The following DENND1A variants were observed in gnomAD, a reference collection of about 807,000 sequenced individuals.
The protein encoded by DENND1A is DENN domain containing 1A.
A neutral mutation model predicts 113.7 loss-of-function variants in DENND1A; 51 were observed. The observed-to-expected ratio is 0.45, with a 90% CI of 0.36 to 0.57. The LOEUF (loss-of-function observed/expected upper bound fraction) is 0.57, where lower values mean the gene tolerates loss of function less well. Ranked by LOEUF, DENND1A falls within the 20% of genes least tolerant of loss-of-function variation. The probability of loss-of-function intolerance (pLI) is 0.00; values close to 1 mark genes in which losing one functional copy is unlikely to be tolerated. For synonymous variants in DENND1A, 565 were observed against 570.8 expected, an observed-to-expected ratio of 0.99 and a Z score of 0.14; for missense variants, 1,258 against 1,395.9, an observed-to-expected ratio of 0.90 and a Z score of 1.57.
At chr9:123,587,077 CTTCTGG>C (rs1199390751) in intron 11 of DENND1A, among the ~76,000 whole-genome samples, 1 of 151,576 alleles carries the variant, frequency 6.6e-6, no homozygotes, top group African/African-American at 2.4e-5. Flanking sequence ...GGGTCACCAG[CTTCTGG>C]TCCTGCGGTG....
chr9:123,768,143 T>G (rs1265485981), intron 4 of DENND1A, among the ~76,000 whole-genome samples: 1 of 152,204 alleles, frequency 6.6e-6, no homozygotes, highest in Non-Finnish European at 1.5e-5. Flanking sequence ...AAGGCTATTC[T>G]TTTTTGAGCA....
chr9:123,882,609 C>T (rs1391566436), intron 1 of DENND1A, among the ~76,000 whole-genome samples: 2 of 152,170 alleles, frequency 1.3e-5, no homozygotes, highest in East Asian at 3.8e-4. Context: ...CTGCAGCACC[C>T]TCCTGATGGG....
intron 1 of DENND1A, among the ~76,000 whole-genome samples, chr9:123,927,648 G>T (rs1857338388): frequency 6.6e-6 from 1 of 152,140 alleles, no homozygotes; most frequent in Non-Finnish European, 1.5e-5. Context: ...AAAAAGAGCT[G>T]GAATTTGAAC....
At chr9:123,686,232 T>G (rs1239330733) in intron 5 of DENND1A, among the ~76,000 whole-genome samples, 2 of 152,146 alleles carry the variant, frequency 1.3e-5, no homozygotes, top group Non-Finnish European at 2.9e-5. Context: ...ATTTTACAGA[T>G]GAGAAAATTG....
intron 1 of DENND1A, among the ~76,000 whole-genome samples, chr9:123,913,837 G>A (rs1297391515): frequency 2.6e-5 from 4 of 151,164 alleles, no homozygotes; most frequent in African/African-American, 4.9e-5. Context: ...CTCGGGAGGC[G>A]GAGGTTGTGG....
At chr9:123,794,931 A>G (rs558923119) in intron 2 of DENND1A, among the ~76,000 whole-genome samples, 1 of 151,770 alleles carries the variant, frequency 6.6e-6, no homozygotes, top group South Asian at 2.1e-4. Context: ...TACTGCCTCA[A>G]TGGAAAGCAA....
At chr9:123,396,926 C>T (rs1424470054) in intron 21 of DENND1A, among the ~76,000 whole-genome samples, 1 of 152,200 alleles carries the variant, frequency 6.6e-6, no homozygotes, top group Non-Finnish European at 1.5e-5. Context: ...AATCTTCTTA[C>T]AACTGGTTAA....
In DENND1A at chr9:123,648,521, T is replaced by C. The variant is rs1380160845; in HGVS notation, c.618+3492A>G. 2.0e-5 allele frequency among the ~76,000 whole-genome samples: 3 copies of C among 152,390 alleles called. No homozygotes were observed. In the East Asian group the frequency reaches 5.8e-4, roughly 29 times the overall value. On this transcript the variant is annotated intron_variant, in intron 9 of 23. Coordinates refer to ENST00000394215, the MANE Select transcript of DENND1A (RefSeq NM_001352964.2). ...TTTTTCCATTGACAGGCTTGTCTTC[T>C]TTTTAATTGTCATAGTTCTGTACTT...
At chr9:123,727,372 T>C (rs1456983883) in intron 5 of DENND1A, among the ~76,000 whole-genome samples, 1 of 152,226 alleles carries the variant, frequency 6.6e-6, no homozygotes, top group Non-Finnish European at 1.5e-5. Flanking sequence ...GATATTCTCA[T>C]AGGCAAAACA....
rs1554916729 is a variant in DENND1A, at chr9:123,620,232, A to AAAAAAAAAAAAAAG, written c.719+10143_719+10144insCTTTTTTTTTTTTT. ...CCATCTCAAAAAAAAAAAAAAAAAA[A>AAAAAAAAAAAAAAG]AAAAAAGAAAAGAAAAAGAAAAAAA... On this transcript the variant is annotated intron_variant, in intron 10 of 23. Coordinates refer to ENST00000394215, the MANE Select transcript of DENND1A (RefSeq NM_001352964.2). Among the ~76,000 whole-genome samples, 21 of 114,416 alleles carry AAAAAAAAAAAAAAG rather than the reference A, an allele frequency of 1.8e-4. 3 individuals are homozygous for AAAAAAAAAAAAAAG. Among genetic ancestry groups the AAAAAAAAAAAAAAG allele is most frequent in the African/African-American group, 7.1e-4 (19 of 26,856 alleles). The allele number at this position is 114,416 out of a possible 152,430, so 75.1% of individuals were successfully genotyped here. A position where few individuals can be genotyped will look rare whatever the true frequency, so the allele number is the denominator to read the frequency against.
chr9:123,700,327 T>C (rs768264220), intron 5 of DENND1A, among the ~76,000 whole-genome samples: 46 of 152,200 alleles, frequency 3.0e-4, no homozygotes, highest in Non-Finnish European at 4.6e-4. Flanking sequence ...ATAGATCAAT[T>C]TGGGGAGAAC....
intron 9 of DENND1A, among the ~76,000 whole-genome samples, chr9:123,640,622 A>G (rs1195145960): frequency 6.6e-6 from 1 of 152,212 alleles, no homozygotes; most frequent in South Asian, 2.1e-4. Flanking sequence ...TGAGAGTCAA[A>G]TCGGGGTTTA....
chr9:123,574,269 C>G (rs2058518362), intron 12 of DENND1A, among the ~76,000 whole-genome samples: 1 of 144,256 alleles, frequency 6.9e-6, no homozygotes, highest in Admixed American at 7.0e-5. Context: ...CTTCCTTTTA[C>G]TTCTGTTTTT....
intron 13 of DENND1A, among the ~76,000 whole-genome samples, chr9:123,471,763 C>T (rs1319319727): frequency 6.6e-6 from 1 of 152,148 alleles, no homozygotes; most frequent in Non-Finnish European, 1.5e-5. Context: ...TTCTCTGACC[C>T]CAAAGTCCAG....
chr9:123,551,979 AAGAG>A (rs1194653709), intron 13 of DENND1A, among the ~76,000 whole-genome samples: 6 of 141,584 alleles, frequency 4.2e-5, no homozygotes, highest in Non-Finnish European at 7.7e-5. Flanking sequence ...TTCATTAGGA[AAGAG>A]AGAGAGAGCG....
intron 18 of DENND1A, 148 bp from the exon 19 acceptor site, chr9:123,440,639 A>C: frequency 9.0e-7 from 1 of 1,115,660 alleles, no homozygotes; most frequent in Non-Finnish European, 1.2e-6. Flanking sequence ...ATGGAGGGCT[A>C]ACTTGGCTCT....
At chr9:123,630,201 TG>T (rs2061413709) in intron 10 of DENND1A, among the ~76,000 whole-genome samples, 174 bp downstream of exon 10, 1 of 140,684 alleles carries the variant, frequency 7.1e-6, no homozygotes, top group Non-Finnish European at 1.5e-5. Context: ...CCACCATGAC[TG>T]GCTTTTTTTT....
intron 2 of DENND1A, among the ~76,000 whole-genome samples, chr9:123,871,616 CA>C (rs1846621869): frequency 6.6e-6 from 1 of 152,126 alleles, no homozygotes; most frequent in Admixed American, 6.5e-5. Flanking sequence ...AGATTCTAAG[CA>C]AAGATTTTTT....
chr9:123,491,429 C>A (rs987166083), intron 13 of DENND1A, among the ~76,000 whole-genome samples: 1 of 152,356 alleles, frequency 6.6e-6, no homozygotes, highest in East Asian at 1.9e-4. Flanking sequence ...CTTGTTCTGG[C>A]CAGCCTCACA....
Sources: allele counts gnomAD v4.1 joint callset (sites outside exome capture counted in the v4.1 genomes callset), GRCh38; gene constraint gnomAD v4.1.1; transcripts MANE v1.5; gene names NCBI Gene and HGNC (gene_info 2026-07-23, HGNC 2026-07-21).